Variants in MED13 observed in about 807,000 individuals in gnomAD.
MED13 encodes the protein mediator complex subunit 13.
MED13 carries 23 observed loss-of-function variants against 225.2 expected under a neutral mutation model. The ratio of observed to expected loss-of-function variants is 0.10; its 90% CI spans 0.07 to 0.14. MED13 has a LOEUF of 0.14. MED13 is among the 10% of genes least tolerant of loss of function. The pLI is 1.00. For missense variants in MED13, 2,197 were observed against 2,594.5 expected, an observed-to-expected ratio of 0.85 and a Z score of 3.33; for synonymous variants, 942 against 889.2, an observed-to-expected ratio of 1.06 and a Z score of -1.06.
rs938104181 is a variant in MED13, at chr17:62,029,951, C to T, written c.1072G>A (p.Asp358Asn). Residue 358 changes from aspartate to asparagine, a missense_variant, in exon 7 of 30, where the codon GAT becomes AAT. Physicochemically the swap from Asp to Asn is conservative, Grantham distance 23. Coordinates refer to ENST00000397786, the MANE Select transcript of MED13 (RefSeq NM_005121.3). ...FSSVSDGFNS[D>N]STSHHGGKIP... The stretch of plus-strand genomic sequence containing the variant: ...TTCCCACCATGGTGGCTAGTACTAT[C>T]GGAGTTGAAGCCATCAGATACTGAA... 14 of 1,613,802 alleles carry T rather than the reference C, an allele frequency of 8.7e-6. No homozygotes were observed. Among genetic ancestry groups the T allele is most frequent in the East Asian group, 2.2e-5 (1 of 44,856 alleles).
At chr17:61,977,478 GTCTC>G (rs2080167152) in intron 16 of MED13, among the ~76,000 whole-genome samples, 1 of 152,174 alleles carries the variant, frequency 6.6e-6, no homozygotes, top group East Asian at 1.9e-4. Flanking sequence ...TTGAGACGGA[GTCTC>G]TCTCTGTCGC....
chr17:62,055,792 A>G (rs552740691), intron 2 of MED13, among the ~76,000 whole-genome samples: 85 of 152,250 alleles, frequency 5.6e-4, no homozygotes, highest in African/African-American at 2.0e-3. Context: ...ACTGCACTCC[A>G]GCCTGGTGAC....
intron 22 of MED13, 40 bp from the exon 23 acceptor site, chr17:61,961,130 T>C: frequency 8.4e-6 from 12 of 1,426,968 alleles, no homozygotes; most frequent in Non-Finnish European, 1.2e-5. Context: ...TACTATACAA[T>C]CTTAGAGAAA....
chr17:61,991,484 C>T (rs2080298266), intron 11 of MED13, among the ~76,000 whole-genome samples: 1 of 151,736 alleles, frequency 6.6e-6, no homozygotes, highest in Non-Finnish European at 1.5e-5. Context: ...GGACTACATG[C>T]ATGCACCACC....
chr17:61,984,315 G>A lies in MED13; in HGVS notation c.2744C>T (p.Ser915Phe). 1 of 1,604,030 alleles carries A rather than the reference G, an allele frequency of 6.2e-7. No individual in the cohort carries two copies. Among genetic ancestry groups the A allele is most frequent in the South Asian group, 1.1e-5 (1 of 89,304 alleles). The change falls in exon 15 of 30, where the codon TCC (serine) becomes TTC (phenylalanine). Residue 915 changes from serine to phenylalanine, a missense_variant. Coordinates refer to ENST00000397786, the MANE Select transcript of MED13 (RefSeq NM_005121.3). ...TAGAGTTTTTAGAGGTGCAAACATG[G>A]AACATCCCACTAGAATTTGACAATT... ...PENCQILVGC[S>F]MFAPLKTLPS...
chr17:61,991,088 G>A (rs145712101), intron 11 of MED13, among the ~76,000 whole-genome samples: 51 of 152,180 alleles, frequency 3.4e-4, no homozygotes, highest in African/African-American at 1.2e-3. Context: ...AATCATAGTT[G>A]AGCTTATTCT....
chr17:62,008,032 A>AAAAAAAAAAAAAAAAAAAAAAAAAAC (rs2080469269), intron 9 of MED13, among the ~76,000 whole-genome samples: 1 of 147,562 alleles, frequency 6.8e-6, no homozygotes, highest in African/African-American at 2.5e-5. Context: ...AAAAAAAAAA[A>AAAAAAAAAAAAAAAAAAAAAAAAAAC]AAAAGCTGTG....
intron 3 of MED13, among the ~76,000 whole-genome samples, chr17:62,049,929 C>CAAAAAAAAAAAAA (rs1340284683): frequency 2.6e-5 from 2 of 77,126 alleles, no homozygotes; most frequent in African/African-American, 2.4e-4. Flanking sequence ...GGCTCTGTCT[C>CAAAAAAAAAAAAA]CAAAAAAAAA....
intron 8 of MED13, among the ~76,000 whole-genome samples, chr17:62,021,759 A>C (rs879715037): frequency 6.6e-6 from 1 of 152,194 alleles, no homozygotes; most frequent in Non-Finnish European, 1.5e-5. Context: ...AATCGGTAGA[A>C]CCTTTTTTGA....
At chr17:61,959,894 T>C (rs994249300) in intron 23 of MED13, among the ~76,000 whole-genome samples, 2 of 152,020 alleles carry the variant, frequency 1.3e-5, no homozygotes, top group African/African-American at 4.8e-5. Context: ...GCCCAGCTAA[T>C]ATTTGTATTT....
chr17:62,011,230 G>T lies in MED13; in HGVS notation c.1287C>A (p.His429Gln), dbSNP rs1224531706. ...CAGCATTTCTTGACTTGAGATTTTT[G>T]TGCCTGAAAAGTGAAAATAAAGGTT... ...TQRTNCSCLR[H>Q]KNLKSRNAGQ... The change falls in exon 9 of 30, where the codon CAC becomes CAA. Residue 429 changes from histidine (H) to glutamine (Q), a missense_variant. This residue lies in a region of MED13 where 884 missense variants were observed against 918.5 expected (regional missense o/e 0.96). Transcript: ENST00000397786. The T allele has an allele frequency of 1.9e-6, 3 of 1,603,336 alleles. No individual in the cohort carries two copies. In the East Asian group the frequency reaches 6.7e-5, roughly 36 times the overall value.
chr17:61,946,345 GAAGT>G lies in MED13; in HGVS notation c.*119_*122del. Reference sequence around the variant, plus strand: ...CCCCCAAGTCAAAACAATATTTGTTGAAGTAATAAGAATTAGACCCCATCACAAA... The same window carrying G: ...CCCCCAAGTCAAAACAATATTTGTTGAATAAGAATTAGACCCCATCACAAA... On this transcript the variant is annotated 3_prime_UTR_variant, in exon 30 of 30. Transcript: ENST00000397786. The G allele has an allele frequency of 3.5e-6, 4 of 1,138,288 alleles. No individual in the cohort carries two copies. The highest frequency in any genetic ancestry group is 4.9e-6 in the Non-Finnish European group (4 of 820,458). 70.5% of individuals were successfully genotyped at this position (1,138,288 alleles called of 1,614,324 possible). A position where few individuals can be genotyped will look rare whatever the true frequency, so the allele number is the denominator to read the frequency against.
intron 3 of MED13, among the ~76,000 whole-genome samples, chr17:62,043,699 G>C (rs1029711510): frequency 2.6e-5 from 4 of 152,040 alleles, no homozygotes; most frequent in African/African-American, 9.7e-5. Context: ...AATCCAAACT[G>C]AGATATACTC....
intron 9 of MED13, among the ~76,000 whole-genome samples, chr17:61,997,033 C>T (rs888523449): frequency 1.3e-5 from 2 of 152,160 alleles, no homozygotes; most frequent in South Asian, 4.1e-4. Context: ...ACCAATGCCA[C>T]TGCTTATCTA....
intron 26 of MED13, 120 bp from the exon 27 acceptor site, chr17:61,953,233 C>T (rs574752916): frequency 1.0e-6 from 1 of 966,908 alleles, no homozygotes; most frequent in African/African-American, 1.7e-5. Context: ...CCAACATTTA[C>T]TGAGTGTCTA....
At chr17:62,015,247 T>G (rs576743765) in intron 8 of MED13, among the ~76,000 whole-genome samples, 1 of 152,356 alleles carries the variant, frequency 6.6e-6, no homozygotes, top group East Asian at 1.9e-4. Context: ...AAGATATTCG[T>G]ATTTTTTAGA....
intron 8 of MED13, among the ~76,000 whole-genome samples, chr17:62,023,273 A>G (rs2080667428): frequency 6.6e-6 from 1 of 152,262 alleles, no homozygotes; most frequent in South Asian, 2.1e-4. Flanking sequence ...CAGGGTCCAG[A>G]CCTATCTTTC....
At chr17:62,049,891 C>G (rs1173536352) in intron 3 of MED13, among the ~76,000 whole-genome samples, 3 of 144,326 alleles carry the variant, frequency 2.1e-5, no homozygotes, top group Non-Finnish European at 4.5e-5. Context: ...GATCGCGCCA[C>G]TGCACTCCAG....
chr17:61,964,683 C>A (rs1308897919), intron 20 of MED13, among the ~76,000 whole-genome samples: 1 of 152,252 alleles, frequency 6.6e-6, no homozygotes, highest in East Asian at 1.9e-4. Flanking sequence ...CGTCTGTAAT[C>A]CCAGCACTTT....
Sources: gnomAD v4.1 joint callset for allele counts (sites outside exome capture counted in the v4.1 genomes callset) on GRCh38, gnomAD v4.1.1 for gene constraint, gnomAD v4.1.1 regional missense constraint, MANE v1.5 for transcripts, NCBI Gene and HGNC (gene_info 2026-07-23, HGNC 2026-07-21) for gene names.